The following PCDHGB4 variants were observed in gnomAD, a reference collection of about 807,000 sequenced individuals.
The protein encoded by PCDHGB4 is protocadherin gamma subfamily B, 4, also known as protocadherin gamma-B4.
Under a neutral mutation model 60.5 loss-of-function variants are expected in PCDHGB4, and 38 were observed. That is an observed-to-expected ratio of 0.63 (90% CI 0.48 to 0.82). The LOEUF is 0.82. Ranked by LOEUF, PCDHGB4 falls within the 40% of genes least tolerant of loss-of-function variation. The pLI, the probability that PCDHGB4 is intolerant of heterozygous loss-of-function variation, is 0.00. For missense variants in PCDHGB4, 1,109 were observed against 1,209.6 expected (o/e 0.92, Z 1.23); for synonymous variants, 456 against 509.7 (o/e 0.89, Z 1.42).
Position 141,476,489 on chromosome 5 carries a change from A to G in PCDHGB4, c.2398-18318A>G. ...GGAGCTGTTCAGCGTGGAAGTGGTGATCCAGGACATCAACGACAACAATCC... is the reference window on the plus strand; with the variant it reads ...GGAGCTGTTCAGCGTGGAAGTGGTGGTCCAGGACATCAACGACAACAATCC... On this transcript the variant is annotated intron_variant, in intron 1 of 3. Coordinates refer to ENST00000519479, the MANE Select transcript of PCDHGB4 (RefSeq NM_003736.4). The surrounding 1 kb of genome is among the most constrained non-coding windows in gnomAD (Gnocchi z 7.6). The G allele has an allele frequency of 6.2e-7, 1 of 1,613,928 alleles. No individual in the cohort carries two copies. Among genetic ancestry groups the G allele is most frequent in the Non-Finnish European group, 8.5e-7 (1 of 1,179,976 alleles).
rs2096260633 is a variant in PCDHGB4 at position 141,418,459 on chromosome 5, G to C, written c.2397+28178G>C. 2.5e-6 allele frequency: 4 copies of C among 1,613,992 alleles called. No homozygotes were observed. In the East Asian group the frequency reaches 6.7e-5, roughly 27 times the overall value. ...CAGAATTAGTATTGCAGAAGACTCT[G>C]GACCGAGAAACGCAGAGCGCTCACC... On this transcript the variant is annotated intron_variant, in intron 1 of 3. Transcript: ENST00000519479.
chr5:141,397,876 C>A (rs2093580679), intron 1 of PCDHGB4: 1 of 579,756 alleles, frequency 1.7e-6, no homozygotes, highest in East Asian at 2.9e-5. Flanking sequence ...TGACTCTGGG[C>A]GCCGCTGTTG....
intron 1 of PCDHGB4, among the ~76,000 whole-genome samples, chr5:141,401,348 A>G (rs1312849099): frequency 2.0e-5 from 3 of 152,220 alleles, no homozygotes; most frequent in African/African-American, 4.8e-5. Flanking sequence ...ATCTCAAAAA[A>G]AAGGAAGGAG....
At chr5:141,468,425 T>TA (rs2099167168) in intron 1 of PCDHGB4, 1 of 151,612 alleles carries the variant, frequency 6.6e-6, no homozygotes, top group Non-Finnish European at 1.5e-5. Context: ...GATAGCAAGG[T>TA]AATAGCAAAA....
chr5:141,400,445 A>G (rs779145110), intron 1 of PCDHGB4: 1 of 1,614,084 alleles, frequency 6.2e-7, no homozygotes, highest in Non-Finnish European at 8.5e-7. Flanking sequence ...AGTTCAGGAC[A>G]AGACATACTT....
At chr5:141,421,921 G>T in intron 1 of PCDHGB4, 1 of 1,613,644 alleles carries the variant, frequency 6.2e-7, no homozygotes, top group Non-Finnish European at 8.5e-7. Context: ...CATTCGTGTG[G>T]TGGTCCTCGA....
Position 141,485,792 on chromosome 5 carries a change from G to T in PCDHGB4, c.2398-9015G>T, listed in dbSNP as rs114766079. 6.2e-6 allele frequency: 10 copies of T among 1,614,118 alleles called. No individual in the cohort carries two copies. In the Admixed American group the frequency reaches 1.3e-4, roughly 22 times the overall value. ...GCCTTTGGATCGAGAGAAGCAATCG[G>T]ACTACCGCCTGGTGCTGACTGCTGT... On this transcript the variant is annotated intron_variant, in intron 1 of 3. Transcript: ENST00000519479. This position sits in a 1 kb window ranked among gnomAD's most constrained non-coding sequence, Gnocchi z 5.7.
Position 141,431,151 on chromosome 5 carries a change from C to T in PCDHGB4, c.2397+40870C>T, listed in dbSNP as rs764416448. The T allele has an allele frequency of 6.2e-7, 1 of 1,614,126 alleles. No individual in the cohort carries two copies. Among genetic ancestry groups the T allele is most frequent in the African/African-American group, 1.3e-5 (1 of 74,954 alleles). On this transcript the variant is annotated intron_variant, in intron 1 of 3. Coordinates refer to ENST00000519479, the MANE Select transcript of PCDHGB4 (RefSeq NM_003736.4). The surrounding 1 kb of genome is among the most constrained non-coding windows in gnomAD (Gnocchi z 4.8). ...GTAAGGGACATTAACGACAATGCGC[C>T]TTACTTTCGTGAAAGTGAATTAGAA...
intron 1 of PCDHGB4, among the ~76,000 whole-genome samples, chr5:141,436,515 G>A (rs1393437693): frequency 6.6e-6 from 1 of 152,160 alleles, no homozygotes; most frequent in Non-Finnish European, 1.5e-5. Context: ...ATTGTTAACT[G>A]TGTCACCTTT....
chr5:141,425,401 T>C (rs1280463432), intron 1 of PCDHGB4, among the ~76,000 whole-genome samples: 1 of 152,234 alleles, frequency 6.6e-6, no homozygotes, highest in Non-Finnish European at 1.5e-5. Context: ...AAAGTTCTGT[T>C]AAGGTATAAC....
chr5:141,434,106 T>C (rs1195019110), intron 1 of PCDHGB4, among the ~76,000 whole-genome samples: 1 of 152,236 alleles, frequency 6.6e-6, no homozygotes, highest in Non-Finnish European at 1.5e-5. Context: ...TGTCCCAGGA[T>C]TGGCCTTTGG....
intron 1 of PCDHGB4, chr5:141,393,519 A>G: frequency 6.2e-7 from 1 of 1,614,036 alleles, no homozygotes; most frequent in African/African-American, 1.3e-5. Flanking sequence ...GTTGGATACA[A>G]ATGACAATGC....
In PCDHGB4 at chr5:141,393,718, C is replaced by G. The variant is rs185464441; in HGVS notation, c.2397+3437C>G. Reference sequence around the variant, plus strand: ...CTTAATGAAAATACTGGGGAAATATCAATAGCAAAAAGTCTAGATTATGAA... The same window carrying G: ...CTTAATGAAAATACTGGGGAAATATGAATAGCAAAAAGTCTAGATTATGAA... On this transcript the variant is annotated intron_variant, in intron 1 of 3. Transcript: ENST00000519479. 1.4e-4 allele frequency: 220 copies of G among 1,613,644 alleles called. 1 individual carries two copies. Among genetic ancestry groups the G allele is most frequent in the Non-Finnish European group, 1.8e-4 (214 of 1,179,840 alleles).
rs1488042504 is a variant in PCDHGB4, at chr5:141,511,552, T to C, written c.*379T>C. ...CCTCCTCCCCACCCCACTCCAACAG[T>C]TCCTCTTTCCCGAGTAAGGTGGTTG... On this transcript the variant is annotated 3_prime_UTR_variant, in exon 4 of 4. Coordinates refer to ENST00000519479, the MANE Select transcript of PCDHGB4 (RefSeq NM_003736.4). 1.3e-5 allele frequency: 4 copies of C among 304,316 alleles called. No individual in the cohort carries two copies. The highest frequency in any genetic ancestry group is 2.6e-5 in the Non-Finnish European group (4 of 156,548). The allele number at this position is 304,316 out of a possible 1,614,324, so 18.9% of individuals were successfully genotyped here.
At chr5:141,438,591 CATATATAT>C (rs946798767) in intron 1 of PCDHGB4, among the ~76,000 whole-genome samples, 35 of 75,562 alleles carry the variant, frequency 4.6e-4, no homozygotes, top group South Asian at 1.0e-3. Flanking sequence ...TACATACATA[CATATATAT>C]ATATATATAT....
intron 1 of PCDHGB4, chr5:141,409,410 A>G (rs1465791228): frequency 6.2e-7 from 1 of 1,614,036 alleles, no homozygotes; most frequent in African/African-American, 1.3e-5. Flanking sequence ...AACTACTACA[A>G]ACTGGTGACA....
At chr5:141,455,160 G>GT (rs59530096) in intron 1 of PCDHGB4, among the ~76,000 whole-genome samples, 26,536 of 149,098 alleles carry the variant, frequency 0.18, 2,386 homozygotes, top group South Asian at 0.23. Flanking sequence ...TAGTTTGTTG[G>GT]TTTTTTTTTT....
chr5:141,445,433 C>A (rs2098466883), intron 1 of PCDHGB4, among the ~76,000 whole-genome samples: 1 of 152,136 alleles, frequency 6.6e-6, no homozygotes, highest in Non-Finnish European at 1.5e-5. Flanking sequence ...AAGGCACTGA[C>A]CTATGGACTA....
chr5:141,396,882 G>C (rs2093447309), intron 1 of PCDHGB4, among the ~76,000 whole-genome samples: 3 of 152,208 alleles, frequency 2.0e-5, no homozygotes, highest in African/African-American at 7.2e-5. Flanking sequence ...GCACATTTGA[G>C]AGGACAACAT....
Sources: gnomAD v4.1 joint callset for allele counts (sites outside exome capture counted in the v4.1 genomes callset) on GRCh38, gnomAD v4.1.1 for gene constraint, Gnocchi (gnomAD v3.1) non-coding constraint, MANE v1.5 for transcripts, NCBI Gene and HGNC (gene_info 2026-07-23, HGNC 2026-07-21) for gene names.